Variants in CDH13 observed in about 807,000 individuals in gnomAD.
CDH13 encodes the protein cadherin 13.
A neutral mutation model predicts 63.8 loss-of-function variants in CDH13; 24 were observed. The observed-to-expected ratio is 0.38, with a 90% CI of 0.27 to 0.53. The LOEUF (loss-of-function observed/expected upper bound fraction) is 0.53, where lower values mean the gene tolerates loss of function less well. CDH13 is among the 20% of genes least tolerant of loss of function. CDH13 has a pLI of 0.85. For synonymous variants in CDH13, 503 were observed against 355.3 expected (o/e 1.42, Z -4.67); for missense variants, 1,049 against 903.1 (o/e 1.16, Z -2.07).
chr16:82,884,396 C>T, intron 2 of CDH13: 1 of 344,814 alleles, frequency 2.9e-6, no homozygotes, highest in Non-Finnish European at 5.7e-6. Context: ...CAAAATGAGA[C>T]TCCTTCTGTT....
chr16:83,081,725 G>T (rs2033268442), intron 3 of CDH13, among the ~76,000 whole-genome samples: 1 of 151,952 alleles, frequency 6.6e-6, no homozygotes, highest in Admixed American at 6.6e-5. Flanking sequence ...GAGAGAAAGA[G>T]CTCGCAAGGA....
At chr16:83,147,433 C>T (rs1009164065) in intron 4 of CDH13, among the ~76,000 whole-genome samples, 1 of 152,142 alleles carries the variant, frequency 6.6e-6, no homozygotes, top group Admixed American at 6.5e-5. Context: ...CCTCAGGGCT[C>T]CCTATGACGT....
intron 5 of CDH13, among the ~76,000 whole-genome samples, chr16:83,325,693 G>C (rs939259101): frequency 2.0e-5 from 3 of 152,142 alleles, no homozygotes; most frequent in African/African-American, 7.2e-5. Context: ...CACGCTCTCT[G>C]TTTTCTCTCC....
At chr16:83,303,748 G>A (rs1427407575) in intron 5 of CDH13, among the ~76,000 whole-genome samples, 1 of 152,142 alleles carries the variant, frequency 6.6e-6, no homozygotes, top group African/African-American at 2.4e-5. Flanking sequence ...TACTGCTTCA[G>A]TTTAGCATAT....
intron 7 of CDH13, among the ~76,000 whole-genome samples, chr16:83,498,324 C>G (rs748139432): frequency 2.6e-5 from 4 of 152,192 alleles, no homozygotes; most frequent in African/African-American, 7.2e-5. Context: ...TACCCTGTCT[C>G]TAGAGGCTCC....
chr16:82,888,526 G>T (rs1339942522), intron 2 of CDH13, among the ~76,000 whole-genome samples: 1 of 152,186 alleles, frequency 6.6e-6, no homozygotes, highest in African/African-American at 2.4e-5. Context: ...AGCATCTCCT[G>T]GTCGCCTGGA....
chr16:83,782,455 G>C (rs1257468697), intron 12 of CDH13, among the ~76,000 whole-genome samples: 1 of 152,062 alleles, frequency 6.6e-6, no homozygotes, highest in Non-Finnish European at 1.5e-5. Context: ...CAAAAACAAG[G>C]CTGGACTCAG....
chr16:83,690,174 CAAA>C (rs977437262), intron 10 of CDH13, among the ~76,000 whole-genome samples: 1 of 150,894 alleles, frequency 6.6e-6, no homozygotes, highest in Non-Finnish European at 1.5e-5. Flanking sequence ...AACTCCGTCT[CAAA>C]AAAAAGAAAA....
chr16:83,278,578 C>A (rs190160185), intron 5 of CDH13, among the ~76,000 whole-genome samples: 43 of 152,288 alleles, frequency 2.8e-4, no homozygotes, highest in African/African-American at 1.0e-3. Flanking sequence ...ATACAACAGG[C>A]TCTGGAGGAG....
chr16:83,268,868 C>G (rs1051488887), intron 5 of CDH13, among the ~76,000 whole-genome samples: 4 of 152,154 alleles, frequency 2.6e-5, no homozygotes, highest in Non-Finnish European at 4.4e-5. Flanking sequence ...CTACCCAGTT[C>G]TTAGGTTCTA....
At chr16:83,469,430 C>T (rs992571422) in intron 6 of CDH13, among the ~76,000 whole-genome samples, 4 of 152,044 alleles carry the variant, frequency 2.6e-5, no homozygotes, top group Admixed American at 2.6e-4. Context: ...GCAGGCCTTC[C>T]ACAGTCATTC....
intron 10 of CDH13, among the ~76,000 whole-genome samples, chr16:83,690,934 C>T (rs1345668776): frequency 6.6e-6 from 1 of 152,066 alleles, no homozygotes; most frequent in African/African-American, 2.4e-5. Context: ...GTTGTCCAGG[C>T]TGGTCTGGAA....
At chr16:82,896,027 C>G (rs1011413696) in intron 2 of CDH13, among the ~76,000 whole-genome samples, 3 of 152,170 alleles carry the variant, frequency 2.0e-5, no homozygotes, top group South Asian at 2.1e-4. Flanking sequence ...AACACTACCT[C>G]TTTAAGAGCT....
Position 83,414,620 on chromosome 16 carries a change from T to A in CDH13, c.781+69614T>A, listed in dbSNP as rs112744569. Among the ~76,000 whole-genome samples, 28 of 152,280 alleles carry A rather than the reference T, an allele frequency of 1.8e-4. 1 individual carries two copies. Among genetic ancestry groups the A allele is most frequent in the African/African-American group, 6.3e-4 (26 of 41,570 alleles). The stretch of plus-strand genomic sequence containing the variant: ...ACAGACACCAATTCAGTCTTTGGTT[T>A]GGGTTATATGACTATTTTGAGTACT... On this transcript the variant is annotated intron_variant, in intron 6 of 13. Transcript: ENST00000567109.
At chr16:83,323,591 C>G (rs1039404240) in intron 5 of CDH13, among the ~76,000 whole-genome samples, 5 of 152,028 alleles carry the variant, frequency 3.3e-5, no homozygotes, top group African/African-American at 1.2e-4. Flanking sequence ...AAAGACCTCT[C>G]TACCTTAAAC....
At chr16:83,568,202 G>C (rs1904304638) in intron 7 of CDH13, among the ~76,000 whole-genome samples, 1 of 151,868 alleles carries the variant, frequency 6.6e-6, no homozygotes, top group South Asian at 2.1e-4. Context: ...AAAAAAAAAA[G>C]CTGATCTGAT....
chr16:82,676,003 T>C (rs1205189056), intron 1 of CDH13, among the ~76,000 whole-genome samples: 2 of 152,228 alleles, frequency 1.3e-5, no homozygotes, highest in South Asian at 2.1e-4. Context: ...TTCCCTGTTT[T>C]ATTGTTCAAA....
chr16:83,457,052 G>T (rs1283920694), intron 6 of CDH13, among the ~76,000 whole-genome samples: 1 of 152,160 alleles, frequency 6.6e-6, no homozygotes, highest in Non-Finnish European at 1.5e-5. Context: ...GGTCTGATAT[G>T]GCTTGATTTT....
At chr16:83,099,526 G>A (rs1254107294) in intron 3 of CDH13, among the ~76,000 whole-genome samples, 1 of 151,440 alleles carries the variant, frequency 6.6e-6, no homozygotes, top group Admixed American at 6.6e-5. Context: ...GTTTTGCCAT[G>A]TTGGCCAGGC....
Sources: gnomAD v4.1 joint callset for allele counts (sites outside exome capture counted in the v4.1 genomes callset) on GRCh38, gnomAD v4.1.1 for gene constraint, MANE v1.5 for transcripts, NCBI Gene and HGNC (gene_info 2026-07-23, HGNC 2026-07-21) for gene names.